GRK3: variants seen among roughly 807,000 people sequenced by gnomAD.
GRK3 encodes the protein adrenergic, beta, receptor kinase 2.
Under a neutral mutation model 95.7 loss-of-function variants are expected in GRK3, and 54 were observed. That is an observed-to-expected ratio of 0.56 (90% CI 0.45 to 0.71). GRK3 has a LOEUF of 0.71. Ranked by LOEUF, GRK3 falls within the 30% of genes least tolerant of loss-of-function variation. The probability of loss-of-function intolerance (pLI) is 0.00; values close to 1 mark genes in which losing one functional copy is unlikely to be tolerated. For missense variants in GRK3, 649 were observed against 851.2 expected, an observed-to-expected ratio of 0.76 and a Z score of 2.96; for synonymous variants, 281 against 290.8, an observed-to-expected ratio of 0.97 and a Z score of 0.34.
At chr22:25,614,129 G>A (rs2331090) in intron 2 of GRK3, among the ~76,000 whole-genome samples, 14 of 151,998 alleles carry the variant, frequency 9.2e-5, no homozygotes, top group African/African-American at 3.4e-4. Flanking sequence ...TTTTTTTAAT[G>A]TTATTTATTT....
intron 14 of GRK3, 55 bp downstream of exon 14, chr22:25,703,631 C>A: frequency 1.6e-6 from 2 of 1,231,812 alleles, no homozygotes; most frequent in Non-Finnish European, 2.4e-6. Context: ...ATGCTTCATT[C>A]CGTCAATAAT....
intron 2 of GRK3, among the ~76,000 whole-genome samples, chr22:25,613,856 T>TA (rs545338523): frequency 4.3e-4 from 65 of 151,560 alleles, no homozygotes; most frequent in African/African-American, 1.5e-3. Flanking sequence ...TTAAAAAGGA[T>TA]AAAAAGAGGA....
At chr22:25,683,069 T>G (rs1212223886) in intron 9 of GRK3, among the ~76,000 whole-genome samples, 2 of 152,228 alleles carry the variant, frequency 1.3e-5, no homozygotes, top group African/African-American at 4.8e-5. Flanking sequence ...TGGCCTTATT[T>G]TATAGAGCCC....
intron 6 of GRK3, among the ~76,000 whole-genome samples, chr22:25,668,890 TTTCAC>T (rs2084960071): frequency 1.3e-5 from 2 of 152,196 alleles, no homozygotes; most frequent in Admixed American, 6.5e-5. Flanking sequence ...CCATGCATCC[TTTCAC>T]TTGAAACCAG....
rs765484159 is a variant in GRK3 at position 25,663,722 on chromosome 22, C to CAAAATAAATAGATAAT, written c.441+20_441+35dup. Reference sequence around the variant, plus strand: ...TTTTTCAGGTAAGATAAAATTATTCCAAAATAAATAGATAATATTTGCTTA... The same window carrying CAAAATAAATAGATAAT: ...TTTTTCAGGTAAGATAAAATTATTCCAAAATAAATAGATAATAAAATAAATAGATAATATTTGCTTA... On this transcript the variant is annotated intron_variant, in intron 5 of 20. Transcript: ENST00000324198. The CAAAATAAATAGATAAT allele has an allele frequency of 3.9e-6, 6 of 1,540,436 alleles. No individual in the cohort carries two copies. The highest frequency in any genetic ancestry group is 3.4e-5 in the Admixed American group (2 of 58,860).
chr22:25,707,227 C>CT (rs1274201989), intron 15 of GRK3, among the ~76,000 whole-genome samples: 2 of 152,230 alleles, frequency 1.3e-5, no homozygotes, highest in African/African-American at 2.4e-5. Flanking sequence ...AACAAGAAAC[C>CT]TTTTTTCTGG....
intron 19 of GRK3, among the ~76,000 whole-genome samples, chr22:25,718,805 A>G (rs1346242091): frequency 1.3e-5 from 2 of 152,260 alleles, no homozygotes; most frequent in African/African-American, 2.4e-5. Flanking sequence ...AATAGAAATC[A>G]TAACAACTGC....
At chr22:25,650,198 C>A (rs139955251) in intron 3 of GRK3, among the ~76,000 whole-genome samples, 1 of 152,104 alleles carries the variant, frequency 6.6e-6, no homozygotes, top group Non-Finnish European at 1.5e-5. Flanking sequence ...CCCGCCACCA[C>A]ACCTGGCTAA....
intron 2 of GRK3, among the ~76,000 whole-genome samples, chr22:25,632,995 C>T (rs1001271804): frequency 2.6e-5 from 4 of 152,182 alleles, no homozygotes; most frequent in African/African-American, 9.6e-5. Context: ...ACTGCAACCT[C>T]TGCCTCCCAG....
intron 17 of GRK3, among the ~76,000 whole-genome samples, chr22:25,712,921 G>C (rs2085355430): frequency 6.6e-6 from 1 of 152,248 alleles, no homozygotes; most frequent in Admixed American, 6.5e-5. Context: ...GAGTCCAGCA[G>C]GGAGGGCAGG....
intron 2 of GRK3, among the ~76,000 whole-genome samples, chr22:25,610,972 G>A (rs1291318063): frequency 2.0e-5 from 3 of 151,822 alleles, no homozygotes; most frequent in Non-Finnish European, 4.4e-5. Flanking sequence ...AATGATTCTC[G>A]TGCCTCAGCC....
At chr22:25,690,085 A>G (rs986542390) in intron 11 of GRK3, 104 bp from the exon 12 acceptor site, 2 of 771,362 alleles carry the variant, frequency 2.6e-6, no homozygotes, top group Admixed American at 5.0e-5. Context: ...TTTAGGAACA[A>G]ACTATGATAA....
intron 1 of GRK3, among the ~76,000 whole-genome samples, chr22:25,583,435 T>TA (rs1932178149): frequency 6.6e-6 from 1 of 152,022 alleles, no homozygotes; most frequent in East Asian, 1.9e-4. Context: ...TAACAGGACT[T>TA]ACACAGTCCT....
intron 20 of GRK3, 123 bp from the exon 21 acceptor site, chr22:25,722,166 G>T (rs2085437566): frequency 1.9e-6 from 2 of 1,041,684 alleles, no homozygotes; most frequent in Admixed American, 2.1e-5. Context: ...GCCACTGGGG[G>T]TGGACACGTA....
chr22:25,700,321 A>G (rs2085248311), intron 13 of GRK3, among the ~76,000 whole-genome samples: 1 of 152,130 alleles, frequency 6.6e-6, no homozygotes, highest in African/African-American at 2.4e-5. Context: ...AGCTGCCATC[A>G]TGATCTTCAC....
chr22:25,712,814 A>T (rs2085354544), intron 17 of GRK3, among the ~76,000 whole-genome samples: 1 of 152,218 alleles, frequency 6.6e-6, no homozygotes, highest in Non-Finnish European at 1.5e-5. Context: ...GTTCTTCCTG[A>T]GCAAGAGCTG....
At position 25,619,362 on chromosome 22, in the gene GRK3, G is replaced by A. The variant is rs2084563535; in HGVS notation, c.190+14909G>A. Among the ~76,000 whole-genome samples, 3 of 152,154 alleles carry A rather than the reference G, an allele frequency of 2.0e-5. No homozygotes were observed. In the South Asian group the frequency reaches 6.2e-4, roughly 32 times the overall value. On this transcript the variant is annotated intron_variant, in intron 2 of 20. Coordinates refer to ENST00000324198, the MANE Select transcript of GRK3 (RefSeq NM_005160.4). ...TTCTTGGCCCCCTTTTACAGGCAAG[G>A]AGCCGAGCCTCAGAGGTGAAGGGAT...
intron 2 of GRK3, 29 bp from the exon 3 acceptor site, chr22:25,644,558 GCCCAC>G (rs1156571142): frequency 9.3e-7 from 1 of 1,072,526 alleles, no homozygotes. Context: ...TCAATTAATT[GCCCAC>G]CCTGAAATTT....
At chr22:25,620,007 T>TG (rs2041221147) in intron 2 of GRK3, among the ~76,000 whole-genome samples, 1 of 34,538 alleles carries the variant, frequency 2.9e-5, no homozygotes, top group Non-Finnish European at 6.0e-5. Flanking sequence ...TTGTCTTTTT[T>TG]GTGTGTGTGT....
Sources: gnomAD v4.1 joint callset for allele counts (sites outside exome capture counted in the v4.1 genomes callset) on GRCh38, gnomAD v4.1.1 for gene constraint, MANE v1.5 for transcripts, NCBI Gene and HGNC (gene_info 2026-07-23, HGNC 2026-07-21) for gene names.